Variants in SCARB1 observed in about 807,000 individuals in gnomAD.
SCARB1 encodes scavenger receptor class B member 1, also known as CD36 and LIMPII analogous 1.
SCARB1 carries 30 observed loss-of-function variants against 57.2 expected under a neutral mutation model. That is an observed-to-expected ratio of 0.52 (90% confidence interval 0.39 to 0.71). SCARB1 has a LOEUF of 0.71. Among genes scored for constraint, SCARB1 ranks in the 30% least tolerant of loss-of-function variants. SCARB1 has a pLI of 0.00. For missense variants in SCARB1, 543 were observed against 671.2 expected (o/e 0.81, Z 2.11); for synonymous variants, 249 against 268.3 (o/e 0.93, Z 0.70).
chr12:124,855,814 A>G (rs2135846895), intron 1 of SCARB1, among the ~76,000 whole-genome samples: 1 of 152,324 alleles, frequency 6.6e-6, no homozygotes, highest in South Asian at 2.1e-4. Flanking sequence ...GACCACAGAC[A>G]TGGAATCACC....
At chr12:124,811,496 C>T (rs1478893205) in intron 5 of SCARB1, among the ~76,000 whole-genome samples, 1 of 152,198 alleles carries the variant, frequency 6.6e-6, no homozygotes, top group Non-Finnish European at 1.5e-5. Context: ...TGGTCTCGAA[C>T]TCCTGACCTC....
chr12:124,786,560 G>T, intron 10 of SCARB1, 57 bp from the exon 11 acceptor site: 1 of 1,603,642 alleles, frequency 6.2e-7, no homozygotes. Context: ...GGGCTACAGC[G>T]CAGATGCCAC....
At chr12:124,811,169 A>G (rs1360514043) in intron 5 of SCARB1, among the ~76,000 whole-genome samples, 1 of 152,246 alleles carries the variant, frequency 6.6e-6, no homozygotes, top group African/African-American at 2.4e-5. Context: ...GGAAGAATAT[A>G]TCCCAAACTG....
chr12:124,808,104 C>A (rs1950386248), intron 6 of SCARB1, among the ~76,000 whole-genome samples, 177 bp from the exon 7 acceptor site: 1 of 152,176 alleles, frequency 6.6e-6, no homozygotes, highest in African/African-American at 2.4e-5. Context: ...GGCCTCTCCG[C>A]TCCGACTCTG....
chr12:124,786,527 C>A, intron 10 of SCARB1, 24 bp from the exon 11 acceptor site: 3 of 1,613,598 alleles, frequency 1.9e-6, no homozygotes, highest in Non-Finnish European at 2.5e-6. Context: ...ATGACAAACA[C>A]ATGAGCTGGG....
At chr12:124,861,159 G>A (rs368804410) in intron 1 of SCARB1, among the ~76,000 whole-genome samples, 4 of 152,168 alleles carry the variant, frequency 2.6e-5, no homozygotes, top group Admixed American at 1.3e-4. Flanking sequence ...ATTGGTTTCA[G>A]GACCCCCATA....
rs567754112 is a variant in SCARB1, at chr12:124,815,210, T to C, written c.285-96A>G. 2.5e-5 allele frequency: 35 copies of C among 1,401,130 alleles called. No homozygotes were observed. In the African/African-American group the frequency reaches 3.4e-4, roughly 14 times the overall value. 86.8% of individuals were successfully genotyped at this position (1,401,130 alleles called of 1,614,324 possible). On this transcript the variant is annotated intron_variant, in intron 2 of 12. Transcript: ENST00000261693. ...ATGCCTGCCTGGGAACCAGGGGCCC[T>C]GGACGTCTGTGCACACCTCCGGCCC... is the stretch of plus-strand genomic sequence containing the variant.
At chr12:124,845,495 C>G in intron 1 of SCARB1, among the ~76,000 whole-genome samples, 1 of 143,934 alleles carries the variant, frequency 6.9e-6, no homozygotes, top group Admixed American at 7.1e-5. Flanking sequence ...GAGTTTGAGA[C>G]CAGCCTGGCC....
rs554375815 is a variant in SCARB1 at position 124,820,484 on chromosome 12, C to T, written c.127-2777G>A. 5.5e-4 allele frequency among the ~76,000 whole-genome samples: 83 copies of T among 152,188 alleles called. 1 individual carries two copies. The highest frequency in any genetic ancestry group is 1.9e-3 in the African/African-American group (78 of 41,512). On this transcript the variant is annotated intron_variant, in intron 1 of 12. Transcript: ENST00000261693. ...CCATGGCGGCTCCCACCACCCCATGCGACCACAGCCCACAGGCACCAGCTC... is the reference window on the plus strand; with the variant it reads ...CCATGGCGGCTCCCACCACCCCATGTGACCACAGCCCACAGGCACCAGCTC...
At position 124,807,098 on chromosome 12, in the gene SCARB1, G is replaced by A. The variant is rs1950349629; in HGVS notation, c.1009+663C>T. Among the ~76,000 whole-genome samples, 1 of 152,168 alleles carries A rather than the reference G, an allele frequency of 6.6e-6. No individual in the cohort carries two copies. Among genetic ancestry groups the A allele is most frequent in the Non-Finnish European group, 1.5e-5 (1 of 68,040 alleles). The stretch of plus-strand genomic sequence containing the variant: ...CGCCTGTGGTCCCAACTACTCGGGA[G>A]GCTGAGGTGGGAGGATCACTTGAAC... On this transcript the variant is annotated intron_variant, in intron 7 of 12. Coordinates refer to ENST00000261693, the MANE Select transcript of SCARB1 (RefSeq NM_005505.5). This position sits in a 1 kb window ranked among gnomAD's most constrained non-coding sequence, Gnocchi z 5.3.
intron 6 of SCARB1, among the ~76,000 whole-genome samples, chr12:124,808,484 C>T (rs1950403350): frequency 6.6e-6 from 1 of 152,188 alleles, no homozygotes. Flanking sequence ...TTCCTAAGCA[C>T]ACTCACTCCT....
intron 1 of SCARB1, among the ~76,000 whole-genome samples, chr12:124,856,838 G>A (rs1952655012): frequency 6.6e-6 from 1 of 152,204 alleles, no homozygotes; most frequent in South Asian, 2.1e-4. Context: ...GGAGCCCTGG[G>A]CTAGGAACAG....
At chr12:124,833,709 C>T (rs1021261455) in intron 1 of SCARB1, among the ~76,000 whole-genome samples, 2 of 152,200 alleles carry the variant, frequency 1.3e-5, no homozygotes, top group African/African-American at 2.4e-5. Flanking sequence ...CCCTTCCTCT[C>T]CCCACAGCCC....
At chr12:124,782,444 G>C (rs1949349409) in intron 12 of SCARB1, among the ~76,000 whole-genome samples, 1 of 152,164 alleles carries the variant, frequency 6.6e-6, no homozygotes, top group Non-Finnish European at 1.5e-5. Flanking sequence ...CTTGCAAATA[G>C]GCACCAGCCC....
chr12:124,800,055 G>A lies in SCARB1; in HGVS notation c.1128+69C>T. ...CCCACAGCAGCTCTCTGCCTGGGGA[G>A]AGAGGAGGCAGCCAGGTGTGCTCCA... On this transcript the variant is annotated intron_variant, in intron 8 of 12. Coordinates refer to ENST00000261693, the MANE Select transcript of SCARB1 (RefSeq NM_005505.5). This position sits in a 1 kb window ranked among gnomAD's most constrained non-coding sequence, Gnocchi z 4.8. The A allele has an allele frequency of 1.7e-6, 2 of 1,177,968 alleles. No homozygotes were observed. Among genetic ancestry groups the A allele is most frequent in the Admixed American group, 1.7e-5 (1 of 59,348 alleles). The allele number at this position is 1,177,968 out of a possible 1,614,324, so 73.0% of individuals were successfully genotyped here. A position where few individuals can be genotyped will look rare whatever the true frequency, so the allele number is the denominator to read the frequency against.
At chr12:124,841,809 C>T (rs565868823) in intron 1 of SCARB1, among the ~76,000 whole-genome samples, 4 of 152,320 alleles carry the variant, frequency 2.6e-5, no homozygotes, top group African/African-American at 9.6e-5. Flanking sequence ...TCCATGTCAG[C>T]TCACCTGCCT....
Position 124,777,966 on chromosome 12 carries a change from CG to C in SCARB1, c.*620del. ...GACTTCGGGGGGATCAAAGTCCGGC[CG>C]GGGTGGGCGGAGACCCTCGGGCAGC... On this transcript the variant is annotated 3_prime_UTR_variant, in exon 13 of 13. Transcript: ENST00000261693. 1 of 153,190 alleles carries C rather than the reference CG, an allele frequency of 6.5e-6. No homozygotes were observed. The highest frequency in any genetic ancestry group is 1.5e-5 in the Non-Finnish European group (1 of 68,702). 9.5% of individuals were successfully genotyped at this position (153,190 alleles called of 1,614,324 possible).
chr12:124,833,891 C>T (rs1301824808), intron 1 of SCARB1, among the ~76,000 whole-genome samples: 2 of 152,260 alleles, frequency 1.3e-5, no homozygotes, highest in African/African-American at 4.8e-5. Context: ...GGGGAATGAT[C>T]TGCGGAGCAG....
intron 1 of SCARB1, among the ~76,000 whole-genome samples, chr12:124,840,916 C>T (rs1013206571): frequency 6.6e-6 from 1 of 152,218 alleles, no homozygotes; most frequent in Non-Finnish European, 1.5e-5. Context: ...CACCTGTAAT[C>T]CCAGCCCTTT....
Sources: allele counts gnomAD v4.1 joint callset (sites outside exome capture counted in the v4.1 genomes callset), GRCh38; gene constraint gnomAD v4.1.1; non-coding constraint Gnocchi (gnomAD v3.1); transcripts MANE v1.5; gene names NCBI Gene and HGNC (gene_info 2026-07-23, HGNC 2026-07-21).